Variants in CUL4A observed in about 807,000 individuals in gnomAD.
CUL4A encodes cullin 4A, also known as cullin-4A.
Under a neutral mutation model 95.5 loss-of-function variants are expected in CUL4A, and 16 were observed. The ratio of observed to expected loss-of-function variants is 0.17; its 90% CI spans 0.11 to 0.25. The LOEUF (loss-of-function observed/expected upper bound fraction) is 0.25. CUL4A is among the 10% of genes least tolerant of loss of function. CUL4A has a pLI of 1.00. For synonymous variants in CUL4A, 380 were observed against 353.1 expected, an observed-to-expected ratio of 1.08 and a Z score of -0.85; for missense variants, 610 against 937.0, an observed-to-expected ratio of 0.65 and a Z score of 4.56.
upstream of CUL4A, chr13:113,209,544 G>T: frequency 2.4e-6 from 2 of 819,194 alleles, no homozygotes; most frequent in Non-Finnish European, 2.9e-6. Context: ...AGGACGGGGC[G>T]GAGGCCGCGC....
intron 16 of CUL4A, among the ~76,000 whole-genome samples, chr13:113,253,925 A>C (rs1354052802): frequency 6.6e-6 from 1 of 152,266 alleles, no homozygotes; most frequent in South Asian, 2.1e-4. Flanking sequence ...TTATCAAATA[A>C]GTTATACATA....
At chr13:113,230,080 G>A (rs1229915550) in intron 5 of CUL4A, 1 of 185,280 alleles carries the variant, frequency 5.4e-6, no homozygotes, top group Non-Finnish European at 1.1e-5. Context: ...CCATGGCGCT[G>A]AATCCTGCCG....
chr13:113,250,605 C>T (rs914561154), intron 15 of CUL4A, among the ~76,000 whole-genome samples: 1 of 152,122 alleles, frequency 6.6e-6, no homozygotes, highest in Non-Finnish European at 1.5e-5. Context: ...TAATTATCCT[C>T]ATTAATACCA....
chr13:113,233,850 A>G (rs1470606969), intron 6 of CUL4A, 47 bp from the exon 7 acceptor site: 1 of 1,052,314 alleles, frequency 9.5e-7, no homozygotes, highest in East Asian at 2.4e-5. Context: ...ACTTGTGAAG[A>G]TAGTTTCCTT....
At chr13:113,240,394 G>A (rs1010225292) in intron 10 of CUL4A, among the ~76,000 whole-genome samples, 3 of 152,204 alleles carry the variant, frequency 2.0e-5, no homozygotes, top group African/African-American at 7.2e-5. Flanking sequence ...TTCTCCAGAT[G>A]CCCCTCACAG....
At chr13:113,208,814 G>A (rs542701792), upstream of CUL4A, 178 of 1,410,564 alleles carry the variant, frequency 1.3e-4, no homozygotes, top group African/African-American at 2.6e-3. Context: ...GAGGGGGCCC[G>A]GGGTCTTTCT....
chr13:113,259,607 AATCTAACCTT>A (rs2042217104), intron 18 of CUL4A, among the ~76,000 whole-genome samples: 1 of 152,186 alleles, frequency 6.6e-6, no homozygotes, highest in African/African-American at 2.4e-5. Context: ...ATGGTCATGT[AATCTAACCTT>A]TCAACTGCTA....
intron 2 of CUL4A, among the ~76,000 whole-genome samples, chr13:113,217,198 T>C (rs909324592): frequency 6.6e-6 from 1 of 152,236 alleles, no homozygotes; most frequent in African/African-American, 2.4e-5. Context: ...GTAATAATTA[T>C]GTTTGTGGGA....
chr13:113,233,821 G>C, intron 6 of CUL4A, 76 bp from the exon 7 acceptor site: 1 of 894,778 alleles, frequency 1.1e-6, no homozygotes, highest in South Asian at 1.4e-5. Flanking sequence ...TGCCCCGTCA[G>C]AAACTGGGAT....
At chr13:113,210,906 C>T (rs1273054667) in intron 2 of CUL4A, among the ~76,000 whole-genome samples, 1 of 152,244 alleles carries the variant, frequency 6.6e-6, no homozygotes. Flanking sequence ...CTACTGTTGA[C>T]AGTTTGGTGT....
intron 16 of CUL4A, 123 bp from the exon 17 acceptor site, chr13:113,254,570 G>C: frequency 1.6e-6 from 1 of 618,382 alleles, no homozygotes; most frequent in Non-Finnish European, 2.8e-6. Flanking sequence ...ACTCCAGCCT[G>C]GGTGACAGAG....
At chr13:113,214,682 G>C (rs2040578935) in intron 2 of CUL4A, among the ~76,000 whole-genome samples, 1 of 152,186 alleles carries the variant, frequency 6.6e-6, no homozygotes, top group Non-Finnish European at 1.5e-5. Flanking sequence ...AAGCCAGGCT[G>C]TCTTTCTTGA....
At chr13:113,235,174 G>A (rs369409085) in intron 8 of CUL4A, 29 bp downstream of exon 8, 52 of 1,487,884 alleles carry the variant, frequency 3.5e-5, no homozygotes, top group Non-Finnish European at 4.1e-5. Flanking sequence ...CTGAGCGTTC[G>A]TATCTTCACC....
At chr13:113,215,096 G>A (rs12866090) in intron 2 of CUL4A, among the ~76,000 whole-genome samples, 31,388 of 150,142 alleles carry the variant, frequency 0.21, 3,747 homozygotes, top group South Asian at 0.42. Context: ...CGCGTCCCGT[G>A]TGGCTGTGGA....
chr13:113,245,740 A>G (rs1244436996), intron 14 of CUL4A, among the ~76,000 whole-genome samples: 2 of 152,232 alleles, frequency 1.3e-5, no homozygotes, highest in African/African-American at 4.8e-5. Flanking sequence ...AACGTGTGGC[A>G]AGAATTTTAT....
intron 10 of CUL4A, among the ~76,000 whole-genome samples, chr13:113,241,312 A>C (rs2041702958): frequency 6.6e-6 from 1 of 152,200 alleles, no homozygotes; most frequent in Non-Finnish European, 1.5e-5. Context: ...AGCAATAAGT[A>C]GTTATACTGT....
intron 3 of CUL4A, among the ~76,000 whole-genome samples, chr13:113,220,220 G>A (rs2040846840): frequency 6.6e-6 from 1 of 152,206 alleles, no homozygotes; most frequent in African/African-American, 2.4e-5. Context: ...ACGTGACAGG[G>A]AAGCTGAAAT....
At chr13:113,210,638 A>G (rs1186590989) in intron 2 of CUL4A, among the ~76,000 whole-genome samples, 1 of 152,230 alleles carries the variant, frequency 6.6e-6, no homozygotes, top group African/African-American at 2.4e-5. Flanking sequence ...TGAAGTAACA[A>G]AAAAGTACAT....
In CUL4A at chr13:113,245,094, C is replaced by T. The variant is rs375052378; in HGVS notation, c.1444+35C>T. On this transcript the variant is annotated intron_variant, in intron 13 of 19. Transcript: ENST00000375440. ...TGGGGCCTGGGCTCCTCCCCTGTAA[C>T]TGAGGGTTGCTGCCCCGTGTGTTAC... 896 of 1,608,968 alleles carry T rather than the reference C, an allele frequency of 5.6e-4. 1 individual carries two copies. Among genetic ancestry groups the T allele is most frequent in the South Asian group, 1.1e-3 (99 of 90,964 alleles).
Sources: allele counts gnomAD v4.1 joint callset (sites outside exome capture counted in the v4.1 genomes callset), GRCh38; gene constraint gnomAD v4.1.1; transcripts MANE v1.5; gene names NCBI Gene and HGNC (gene_info 2026-07-23, HGNC 2026-07-21).